NTRK3: variants seen among roughly 807,000 people sequenced by gnomAD.
NTRK3 encodes NT-3 growth factor receptor.
Under a neutral mutation model 91.7 loss-of-function variants are expected in NTRK3, and 24 were observed. The ratio of observed to expected loss-of-function variants is 0.26; its 90% CI spans 0.19 to 0.37. The LOEUF is 0.37. Ranked by LOEUF, NTRK3 falls within the 10% of genes least tolerant of loss-of-function variation. The pLI is 1.00. For missense variants in NTRK3, 880 were observed against 1,068.9 expected (o/e 0.82, Z 2.46); for synonymous variants, 483 against 404.0 (o/e 1.20, Z -2.34).
chr15:88,196,238 A>G (rs912883900), intron 3 of NTRK3, among the ~76,000 whole-genome samples: 1 of 152,222 alleles, frequency 6.6e-6, no homozygotes, highest in African/African-American at 2.4e-5. Context: ...TTGACTTTGC[A>G]GGAATAATTA....
chr15:87,999,848 A>G (rs529091244), intron 14 of NTRK3, among the ~76,000 whole-genome samples: 2 of 152,306 alleles, frequency 1.3e-5, no homozygotes, highest in Admixed American at 6.5e-5. Context: ...ACATTGCAAT[A>G]TGATTCCATA....
chr15:88,183,588 C>A, intron 4 of NTRK3, 99 bp from the exon 5 acceptor site: 1 of 1,112,776 alleles, frequency 9.0e-7, no homozygotes. Flanking sequence ...GCTGGCCCTG[C>A]AGCCGCCCTG....
chr15:88,206,576 C>T (rs1208006318), intron 3 of NTRK3, among the ~76,000 whole-genome samples: 4 of 146,260 alleles, frequency 2.7e-5, no homozygotes, highest in South Asian at 4.4e-4. Flanking sequence ...GAGAATGGCG[C>T]GAACCCGGGA....
At chr15:88,026,750 T>C (rs2078075826) in intron 14 of NTRK3, among the ~76,000 whole-genome samples, 1 of 152,192 alleles carries the variant, frequency 6.6e-6, no homozygotes, top group African/African-American at 2.4e-5. Context: ...AAAGGAAATA[T>C]GTGGGTGCTC....
At chr15:87,894,824 C>T (rs1393467062) in intron 17 of NTRK3, among the ~76,000 whole-genome samples, 1 of 152,166 alleles carries the variant, frequency 6.6e-6, no homozygotes, top group Non-Finnish European at 1.5e-5. Context: ...CCTCCTCCTC[C>T]CCTGCTCTAC....
At chr15:87,877,242 A>G in intron 18 of NTRK3, 122 bp from the exon 20 acceptor site, 2 of 1,003,952 alleles carry the variant, frequency 2.0e-6, no homozygotes, top group Non-Finnish European at 3.1e-6. Flanking sequence ...GGCTCTCACA[A>G]GCACAAGCTA....
intron 3 of NTRK3, among the ~76,000 whole-genome samples, chr15:88,187,578 C>T (rs1261603758): frequency 2.6e-5 from 4 of 152,164 alleles, no homozygotes; most frequent in Admixed American, 6.5e-5. Context: ...CAACCCAGAA[C>T]GATTACACGT....
intron 5 of NTRK3, among the ~76,000 whole-genome samples, chr15:88,166,265 T>C (rs766976531): frequency 1.8e-4 from 27 of 152,184 alleles, no homozygotes; most frequent in Admixed American, 6.5e-5. Context: ...ACTGGGCCTC[T>C]GGAAGGCAGA....
At chr15:88,135,016 G>A in intron 10 of NTRK3, 85 bp downstream of exon 10, 1 of 1,493,854 alleles carries the variant, frequency 6.7e-7, no homozygotes, top group South Asian at 1.1e-5. Context: ...TACTGATGCT[G>A]CTTCTCCTCT....
At chr15:88,136,725 C>A (rs1481429394) in intron 7 of NTRK3, 116 bp from the exon 8 acceptor site, 9 of 1,283,864 alleles carry the variant, frequency 7.0e-6, no homozygotes, top group Non-Finnish European at 9.7e-6. Flanking sequence ...ACTCTAACAC[C>A]ACCTGCTTGA....
At chr15:87,988,991 C>G (rs577885503) in intron 14 of NTRK3, among the ~76,000 whole-genome samples, 42 of 151,948 alleles carry the variant, frequency 2.8e-4, no homozygotes, top group African/African-American at 9.7e-4. Flanking sequence ...AATCTTGGCT[C>G]ACTGCAACTT....
At chr15:88,081,012 G>A (rs903698367) in intron 13 of NTRK3, among the ~76,000 whole-genome samples, 1 of 152,244 alleles carries the variant, frequency 6.6e-6, no homozygotes, top group Non-Finnish European at 1.5e-5. Context: ...CTTGCACTAA[G>A]CGGAGAGAGG....
At chr15:88,250,054 C>T (rs2053199625) in intron 3 of NTRK3, among the ~76,000 whole-genome samples, 1 of 152,192 alleles carries the variant, frequency 6.6e-6, no homozygotes. Context: ...GACCAAGGTC[C>T]CCAGGTTTGA....
chr15:87,977,278 A>G (rs537315460), intron 14 of NTRK3: 57 of 176,688 alleles, frequency 3.2e-4, no homozygotes, highest in African/African-American at 1.2e-3. Context: ...GAGTAACAGG[A>G]AAACAGGAAA....
At chr15:88,118,795 G>A (rs941968297) in intron 13 of NTRK3, among the ~76,000 whole-genome samples, 3 of 152,192 alleles carry the variant, frequency 2.0e-5, no homozygotes, top group African/African-American at 7.2e-5. Context: ...AAGAGGTGCA[G>A]AATGTCTAAA....
chr15:87,978,654 G>A (rs2073930608), intron 14 of NTRK3: 1 of 231,846 alleles, frequency 4.3e-6, no homozygotes, highest in South Asian at 1.8e-4. Context: ...CACTCATTGT[G>A]AGCCGTTCCA....
intron 4 of NTRK3, 66 bp from the exon 5 acceptor site, chr15:88,183,555 G>T: frequency 1.4e-6 from 2 of 1,455,392 alleles, no homozygotes; most frequent in Non-Finnish European, 1.9e-6. Context: ...TCTGGGCTGA[G>T]GCTGGCAGGG....
At chr15:87,979,392 C>T (rs1266745088) in intron 14 of NTRK3, 2 of 1,613,906 alleles carry the variant, frequency 1.2e-6, no homozygotes, top group Non-Finnish European at 1.7e-6. Context: ...ACATCCTCAA[C>T]ATAGATGCCA....
intron 13 of NTRK3, among the ~76,000 whole-genome samples, chr15:88,097,881 G>T (rs999904881): frequency 6.6e-6 from 1 of 152,196 alleles, no homozygotes; most frequent in African/African-American, 2.4e-5. Flanking sequence ...TAGCACAAGG[G>T]TGATTTACTG....
Sources: gnomAD v4.1 joint callset for allele counts (sites outside exome capture counted in the v4.1 genomes callset) on GRCh38, gnomAD v4.1.1 for gene constraint, MANE v1.5 for transcripts, NCBI Gene and HGNC (gene_info 2026-07-23, HGNC 2026-07-21) for gene names.